Variants in AHCYL2 observed in about 807,000 individuals in gnomAD.
AHCYL2 encodes adenosylhomocysteinase like 2, also known as S-adenosylhomocysteine hydrolase-like protein 2.
A neutral mutation model predicts 81.4 loss-of-function variants in AHCYL2; 28 were observed. That is an observed-to-expected ratio of 0.34 (90% CI 0.25 to 0.47). The LOEUF (loss-of-function observed/expected upper bound fraction) is 0.47. Ranked by LOEUF, AHCYL2 falls within the 20% of genes least tolerant of loss-of-function variation. AHCYL2 has a pLI of 1.00. For synonymous variants in AHCYL2, 272 were observed against 290.2 expected (o/e 0.94, Z 0.64); for missense variants, 551 against 785.1 (o/e 0.70, Z 3.56).
intron 1 of AHCYL2, among the ~76,000 whole-genome samples, chr7:129,278,820 G>T (rs954048141): frequency 5.0e-5 from 7 of 140,310 alleles, no homozygotes; most frequent in African/African-American, 1.9e-4. Flanking sequence ...TCATTTGTTG[G>T]TAAGACTCTT....
intron 1 of AHCYL2, among the ~76,000 whole-genome samples, chr7:129,354,812 T>G (rs1033159437): frequency 6.6e-6 from 1 of 152,180 alleles, no homozygotes; most frequent in African/African-American, 2.4e-5. Flanking sequence ...TTTATGGACC[T>G]CACAGAAGGG....
chr7:129,422,997 TCC>T, intron 13 of AHCYL2, 59 bp downstream of exon 13: 1 of 1,414,452 alleles, frequency 7.1e-7, no homozygotes. Context: ...AATACCCAGG[TCC>T]CCTCCTCCTC....
chr7:129,256,535 GCC>G (rs1373184612), intron 1 of AHCYL2, among the ~76,000 whole-genome samples: 2 of 55,524 alleles, frequency 3.6e-5, no homozygotes, highest in Admixed American at 2.0e-4. Context: ...CTTGCTTCCC[GCC>G]CCCCACCCCC....
chr7:129,307,264 A>C (rs1392264511), intron 1 of AHCYL2, among the ~76,000 whole-genome samples: 1 of 152,150 alleles, frequency 6.6e-6, no homozygotes, highest in Non-Finnish European at 1.5e-5. Context: ...GAAACCTTAG[A>C]AAGAAATCTA....
chr7:129,347,112 G>A (rs538725347), intron 1 of AHCYL2, among the ~76,000 whole-genome samples: 1 of 152,184 alleles, frequency 6.6e-6, no homozygotes, highest in South Asian at 2.1e-4. Context: ...GAAACGATCA[G>A]TGGTTGCCAG....
chr7:129,262,275 G>A (rs764844263), intron 1 of AHCYL2, among the ~76,000 whole-genome samples: 1 of 152,226 alleles, frequency 6.6e-6, no homozygotes, highest in African/African-American at 2.4e-5. Context: ...AGGGATTTAT[G>A]CTGAATAAGG....
At chr7:129,320,448 C>G (rs893433267) in intron 1 of AHCYL2, among the ~76,000 whole-genome samples, 1 of 152,048 alleles carries the variant, frequency 6.6e-6, no homozygotes, top group African/African-American at 2.4e-5. Context: ...TCCTAAGTAG[C>G]TGGGATTACA....
chr7:129,305,931 T>C (rs1797425399), intron 1 of AHCYL2, among the ~76,000 whole-genome samples: 1 of 152,246 alleles, frequency 6.6e-6, no homozygotes, highest in Admixed American at 6.5e-5. Flanking sequence ...TCTCCTGGCC[T>C]GTAAGGTTTC....
At chr7:129,338,317 T>C (rs545450753) in intron 1 of AHCYL2, among the ~76,000 whole-genome samples, 1 of 151,984 alleles carries the variant, frequency 6.6e-6, no homozygotes, top group Non-Finnish European at 1.5e-5. Flanking sequence ...CCTGGCTAAT[T>C]TGTAAATTTT....
At chr7:129,259,262 C>T (rs935417963) in intron 1 of AHCYL2, among the ~76,000 whole-genome samples, 4 of 152,172 alleles carry the variant, frequency 2.6e-5, no homozygotes, top group African/African-American at 9.7e-5. Flanking sequence ...TATGGTGGAA[C>T]AAGTGGTGCC....
At chr7:129,418,632 G>C (rs1326358443) in intron 12 of AHCYL2, among the ~76,000 whole-genome samples, 1 of 152,108 alleles carries the variant, frequency 6.6e-6, no homozygotes, top group African/African-American at 2.4e-5. Context: ...CTGGAGGCCA[G>C]GTGTGGTGGC....
intron 1 of AHCYL2, among the ~76,000 whole-genome samples, chr7:129,354,701 C>T (rs1464573846): frequency 6.6e-6 from 1 of 152,218 alleles, no homozygotes; most frequent in Non-Finnish European, 1.5e-5. Flanking sequence ...ATAGATTGAA[C>T]TTCCTTCCAC....
At chr7:129,277,278 C>G (rs1162744890) in intron 1 of AHCYL2, among the ~76,000 whole-genome samples, 7 of 135,792 alleles carry the variant, frequency 5.2e-5, no homozygotes, top group Non-Finnish European at 9.6e-5. Flanking sequence ...AAGTCTCTCT[C>G]TTTTTTTTTT....
chr7:129,424,206 T>C (rs1001800178), intron 13 of AHCYL2, among the ~76,000 whole-genome samples: 20 of 144,394 alleles, frequency 1.4e-4, no homozygotes, highest in African/African-American at 4.4e-4. Context: ...ATCACAGCTA[T>C]GGTGAAACCC....
intron 1 of AHCYL2, among the ~76,000 whole-genome samples, chr7:129,226,076 C>T (rs374349170): frequency 1.3e-5 from 2 of 152,198 alleles, no homozygotes; most frequent in African/African-American, 4.8e-5. Flanking sequence ...GAGCTTTGTC[C>T]TCCCTGCTGG....
At position 129,225,343 on chromosome 7, in the gene AHCYL2, C is replaced by CGTG; in HGVS notation, c.268_269insTGG (p.Ser89_Asp90insVal). The CGTG allele has an allele frequency of 6.6e-7, 1 of 1,506,444 alleles. No individual in the cohort carries two copies. The highest frequency in any genetic ancestry group is 8.8e-7 in the Non-Finnish European group (1 of 1,134,680). The allele number at this position is 1,506,444 out of a possible 1,614,324, so 93.3% of individuals were successfully genotyped here. A position where few individuals can be genotyped will look rare whatever the true frequency, so the allele number is the denominator to read the frequency against. ...CTCAGGCGTCGGCCATGAAGCGGAG[C>CGTG]GACCCACATCACCAGCACCAGCGGC... On this transcript the variant is annotated inframe_insertion, in exon 1 of 17. Coordinates refer to ENST00000325006, the MANE Select transcript of AHCYL2 (RefSeq NM_015328.4).
In AHCYL2 at chr7:129,409,482, T is replaced by C; in HGVS notation, c.1302T>C (p.Asp434=). ...DPICALQACM[D]GFRLVKLNEV... ...TCATGCTTTATTTCAACAGTATGGA[T>C]GGATTTCGACTGGTGAAATTAAATG... Residue 434 remains aspartate, a synonymous_variant, in exon 11 of 17, where the codon GAT becomes GAC. Coordinates refer to ENST00000325006, the MANE Select transcript of AHCYL2 (RefSeq NM_015328.4). 1 of 1,613,788 alleles carries C rather than the reference T, an allele frequency of 6.2e-7. No homozygotes were observed. The highest frequency in any genetic ancestry group is 8.5e-7 in the Non-Finnish European group (1 of 1,179,802).
intron 6 of AHCYL2, 125 bp downstream of exon 6, chr7:129,400,509 C>T (rs1022855932): frequency 2.5e-6 from 2 of 814,812 alleles, no homozygotes; most frequent in Non-Finnish European, 3.8e-6. Flanking sequence ...ATCTGATATA[C>T]CTGGGTTTCC....
At chr7:129,393,831 A>T (rs1281317224) in intron 4 of AHCYL2, among the ~76,000 whole-genome samples, 1 of 152,126 alleles carries the variant, frequency 6.6e-6, no homozygotes, top group Non-Finnish European at 1.5e-5. Flanking sequence ...TTGAAATGTC[A>T]TTGTTCCCAG....
Sources: gnomAD v4.1 joint callset for allele counts (sites outside exome capture counted in the v4.1 genomes callset) on GRCh38, gnomAD v4.1.1 for gene constraint, MANE v1.5 for transcripts, NCBI Gene and HGNC (gene_info 2026-07-23, HGNC 2026-07-21) for gene names.